The following NBAS variants were observed in gnomAD, a reference collection of about 807,000 sequenced individuals.
NBAS encodes NAG/BC035112 fusion.
A neutral mutation model predicts 302.5 loss-of-function variants in NBAS; 219 were observed. The observed-to-expected ratio is 0.72, with a 90% CI of 0.65 to 0.81. The LOEUF is 0.81. NBAS is among the 30% of genes least tolerant of loss of function. The pLI is 0.00. For synonymous variants in NBAS, 1,118 were observed against 1,021.6 expected (o/e 1.09, Z -1.80); for missense variants, 2,932 against 2,841.6 (o/e 1.03, Z -0.72).
At chr2:14,974,216 T>C in the NBAS span, among the ~76,000 whole-genome samples, 2 of 152,214 alleles carry the variant, frequency 1.3e-5, no homozygotes, top group African/African-American at 4.8e-5. Flanking sequence ...TCCCTGTCTT[T>C]GGAAACTTTG....
chr2:15,331,922 A>C (rs1195197729), intron 35 of NBAS, among the ~76,000 whole-genome samples: 1 of 152,216 alleles, frequency 6.6e-6, no homozygotes, highest in Non-Finnish European at 1.5e-5. Flanking sequence ...TAATCACAAG[A>C]GCCCTTAAAG....
At chr2:15,517,955 T>C (rs1055526287) in intron 9 of NBAS, among the ~76,000 whole-genome samples, 1 of 152,136 alleles carries the variant, frequency 6.6e-6, no homozygotes, top group South Asian at 2.1e-4. Context: ...TGCACCATCA[T>C]AAAGTGGAAA....
chr2:15,184,197 A>G (rs973067047), intron 50 of NBAS, among the ~76,000 whole-genome samples: 9 of 152,248 alleles, frequency 5.9e-5, no homozygotes, highest in Admixed American at 3.3e-4. Context: ...CGGCTAAAAG[A>G]TAGTACATAT....
At chr2:14,879,066 T>G in the NBAS span, among the ~76,000 whole-genome samples, 1 of 152,212 alleles carries the variant, frequency 6.6e-6, no homozygotes, top group Non-Finnish European at 1.5e-5. Context: ...CTATGTAGAC[T>G]TTTTAGATTG....
chr2:15,288,642 A>G lies in NBAS; in HGVS notation c.5028-1459T>C, dbSNP rs1184895153. ...CAAGAAAGCAGTCCCGAACACCCAC[A>G]TTATAAGGCCATTTTAGAAAGACTA... On this transcript the variant is annotated intron_variant, in intron 41 of 51. Coordinates refer to ENST00000281513, the MANE Select transcript of NBAS (RefSeq NM_015909.4). Among the ~76,000 whole-genome samples the G allele has an allele frequency of 3.3e-5, 5 of 152,334 alleles. No individual in the cohort carries two copies. In the East Asian group the frequency reaches 7.7e-4, roughly 23 times the overall value.
chr2:14,856,485 G>A, the NBAS span, among the ~76,000 whole-genome samples: 9 of 151,816 alleles, frequency 5.9e-5, no homozygotes, highest in Non-Finnish European at 1.2e-4. Flanking sequence ...TGGAGAAAGA[G>A]AGACATGCAA....
chr2:15,523,233 T>C (rs750062405), intron 9 of NBAS, among the ~76,000 whole-genome samples: 8 of 152,206 alleles, frequency 5.3e-5, no homozygotes, highest in East Asian at 1.9e-4. Flanking sequence ...CTTTTTACTA[T>C]GATACGCAAT....
the NBAS span, among the ~76,000 whole-genome samples, chr2:15,027,146 T>C: frequency 6.6e-6 from 1 of 152,128 alleles, no homozygotes; most frequent in Non-Finnish European, 1.5e-5. Context: ...AATGTGGGAT[T>C]CTATTTGGCA....
the NBAS span, among the ~76,000 whole-genome samples, chr2:14,831,730 G>T: frequency 3.9e-5 from 6 of 152,246 alleles, no homozygotes; most frequent in South Asian, 8.3e-4. Context: ...GTATAATCCT[G>T]TTCCCAGTCA....
chr2:15,319,437 C>CA (rs1255664887), intron 38 of NBAS, among the ~76,000 whole-genome samples: 42 of 150,862 alleles, frequency 2.8e-4, no homozygotes, highest in African/African-American at 9.3e-4. Context: ...AAAAACCATT[C>CA]AAAAAATCAA....
chr2:15,022,818 T>C, the NBAS span, among the ~76,000 whole-genome samples: 1 of 152,180 alleles, frequency 6.6e-6, no homozygotes, highest in African/African-American at 2.4e-5. Flanking sequence ...TTGTCTAGAG[T>C]GATCTTTTTA....
At chr2:15,288,913 T>C (rs1203250411) in intron 41 of NBAS, among the ~76,000 whole-genome samples, 1 of 152,234 alleles carries the variant, frequency 6.6e-6, no homozygotes, top group Non-Finnish European at 1.5e-5. Flanking sequence ...CTCTCTGGCA[T>C]AGTCTTCTTT....
the NBAS span, among the ~76,000 whole-genome samples, chr2:14,898,918 G>A: frequency 3.9e-5 from 6 of 152,104 alleles, no homozygotes; most frequent in Non-Finnish European, 5.9e-5. Flanking sequence ...TGGAACTATT[G>A]TGTCTACGTT....
chr2:15,054,028 C>G, the NBAS span, among the ~76,000 whole-genome samples: 2 of 152,034 alleles, frequency 1.3e-5, no homozygotes, highest in South Asian at 2.1e-4. Flanking sequence ...CAAAACCAAT[C>G]GAGATCATTG....
At chr2:14,993,836 A>G in the NBAS span, among the ~76,000 whole-genome samples, 1 of 152,212 alleles carries the variant, frequency 6.6e-6, no homozygotes, top group African/African-American at 2.4e-5. Flanking sequence ...ATATCATTAT[A>G]TAGAATTTGG....
At chr2:14,786,157 T>C in the NBAS span, among the ~76,000 whole-genome samples, 5 of 152,094 alleles carry the variant, frequency 3.3e-5, no homozygotes, top group South Asian at 4.1e-4. Flanking sequence ...TCTGTGGGAT[T>C]GGTGGTGATA....
the NBAS span, among the ~76,000 whole-genome samples, chr2:15,004,800 A>G: frequency 2.0e-4 from 30 of 151,510 alleles, no homozygotes; most frequent in African/African-American, 7.0e-4. Flanking sequence ...GTGAGCTACC[A>G]GACCCAGCAA....
chr2:15,514,207 G>C (rs1006187867), intron 9 of NBAS, among the ~76,000 whole-genome samples: 2 of 152,152 alleles, frequency 1.3e-5, no homozygotes, highest in African/African-American at 4.8e-5. Flanking sequence ...TGGGTATACA[G>C]GTAAAATGAG....
At position 15,353,713 on chromosome 2, in the gene NBAS, G is replaced by A. The variant is rs1572706581; in HGVS notation, c.3932-3C>T. 1 of 1,613,864 alleles carries A rather than the reference G, an allele frequency of 6.2e-7. No homozygotes were observed. The highest frequency in any genetic ancestry group is 2.2e-5 in the East Asian group (1 of 44,856). The stretch of plus-strand genomic sequence containing the variant: ...AACATCCCAACTTTTAGGATAACCT[G>A]CAAAATTGGCAAGGAAAAAAATGAT... On this transcript the variant is annotated splice_region_variant and splice_polypyrimidine_tract_variant and intron_variant, in intron 33 of 51. Coordinates refer to ENST00000281513, the MANE Select transcript of NBAS (RefSeq NM_015909.4).
Sources: gnomAD v4.1 joint callset for allele counts (sites outside exome capture counted in the v4.1 genomes callset) on GRCh38, gnomAD v4.1.1 for gene constraint, MANE v1.5 for transcripts, NCBI Gene and HGNC (gene_info 2026-07-23, HGNC 2026-07-21) for gene names.